Variants in POLQ observed in about 807,000 individuals in gnomAD.
POLQ encodes the protein epididymis secretory sperm binding protein.
A neutral mutation model predicts 259.2 loss-of-function variants in POLQ; 233 were observed. The observed-to-expected ratio is 0.90, with a 90% CI of 0.81 to 1.00. The LOEUF (loss-of-function observed/expected upper bound fraction) is 1.00, where lower values mean the gene tolerates loss of function less well. POLQ is among the 50% of genes least tolerant of loss of function. The probability of loss-of-function intolerance (pLI) is 0.00; values close to 1 mark genes in which losing one functional copy is unlikely to be tolerated. For missense variants in POLQ, 2,871 were observed against 3,051.6 expected (o/e 0.94, Z 1.39); for synonymous variants, 1,025 against 1,048.8 (o/e 0.98, Z 0.44).
chr3:121,510,912 C>T (rs535576956), intron 10 of POLQ, among the ~76,000 whole-genome samples: 3 of 151,858 alleles, frequency 2.0e-5, no homozygotes, highest in East Asian at 1.9e-4. Context: ...AGTGAAACTC[C>T]GTCTCTACTG....
intron 19 of POLQ, among the ~76,000 whole-genome samples, chr3:121,478,576 TA>T (rs143898506): frequency 0.075 from 5,814 of 77,374 alleles, 191 homozygotes; most frequent in African/African-American, 0.14. Context: ...GGCAAATTTG[TA>T]AAAAAAAAAA....
intron 22 of POLQ, among the ~76,000 whole-genome samples, chr3:121,469,061 C>T (rs1463987073): frequency 6.6e-6 from 1 of 151,938 alleles, no homozygotes; most frequent in Non-Finnish European, 1.5e-5. Flanking sequence ...ATGGCGGGTG[C>T]CTGCAATCCT....
rs1418848636 is a variant in POLQ at position 121,510,090 on chromosome 3, G to A, written c.1765C>T (p.Leu589=). 1.3e-5 allele frequency: 21 copies of A among 1,614,032 alleles called. No individual in the cohort carries two copies. The highest frequency in any genetic ancestry group is 1.7e-5 in the Non-Finnish European group (20 of 1,179,910). Reference sequence around the variant, plus strand: ...CTCTGGATGAATTCATTTTCTAGTAGCCACATCACACAGGCCTCAATCGCT... The same window carrying A: ...CTCTGGATGAATTCATTTTCTAGTAACCACATCACACAGGCCTCAATCGCT... ...LGAIEACVMW[L]LENEFIQSTE... is the part of the protein sequence containing the mutation. Residue 589 remains leucine, a synonymous_variant, in exon 11 of 30, where the codon CTA becomes TTA. Transcript: ENST00000264233.
At chr3:121,520,523 G>A (rs914830549) in intron 8 of POLQ, among the ~76,000 whole-genome samples, 3 of 152,098 alleles carry the variant, frequency 2.0e-5, no homozygotes, top group Non-Finnish European at 4.4e-5. Flanking sequence ...GCAACAGAGC[G>A]AGAAAACAAC....
In POLQ at chr3:121,489,809, G is replaced by C; in HGVS notation, c.3122C>G (p.Ser1041Cys). 1 of 1,612,840 alleles carries C rather than the reference G, an allele frequency of 6.2e-7. No individual in the cohort carries two copies. The highest frequency in any genetic ancestry group is 8.5e-7 in the Non-Finnish European group (1 of 1,179,826). ...NSEKMSRSFRSWKRRKHLKRS... is the reference protein window; with the variant it reads ...NSEKMSRSFRCWKRRKHLKRS... ...CTTTAGATGCTTTCTACGTTTCCAAGATCGAAAACTTCTGCTCATCTTTTC... is the reference window on the plus strand; with the variant it reads ...CTTTAGATGCTTTCTACGTTTCCAACATCGAAAACTTCTGCTCATCTTTTC... Residue 1041 changes from serine (S) to cysteine (C), a missense_variant, in exon 16 of 30, where the codon TCT becomes TGT. By Grantham distance (112) the Ser-to-Cys change is moderately radical. Coordinates refer to ENST00000264233, the MANE Select transcript of POLQ (RefSeq NM_199420.4).
intron 19 of POLQ, among the ~76,000 whole-genome samples, chr3:121,480,189 T>C (rs2047959812): frequency 6.6e-6 from 1 of 151,750 alleles, no homozygotes; most frequent in Non-Finnish European, 1.5e-5. Context: ...TATATATATA[T>C]AGCTTACCAA....
chr3:121,521,973 T>C (rs1389649324), intron 8 of POLQ, 30 bp downstream of exon 8: 1 of 1,473,312 alleles, frequency 6.8e-7, no homozygotes, highest in Non-Finnish European at 9.1e-7. Flanking sequence ...ATTTTGGAGG[T>C]TTCTTAATAA....
chr3:121,543,343 A>C (rs2048504026), intron 2 of POLQ, among the ~76,000 whole-genome samples: 1 of 152,186 alleles, frequency 6.6e-6, no homozygotes, highest in Admixed American at 6.5e-5. Context: ...TATGTGCCAA[A>C]AACTGTTCTG....
intron 24 of POLQ, among the ~76,000 whole-genome samples, chr3:121,465,054 T>C (rs1389106613): frequency 6.6e-6 from 1 of 152,012 alleles, no homozygotes; most frequent in Non-Finnish European, 1.5e-5. Context: ...TTTCTGGTAC[T>C]CAATTCAGTT....
chr3:121,457,802 TCAA>T (rs1246836068), intron 25 of POLQ, among the ~76,000 whole-genome samples: 73 of 152,248 alleles, frequency 4.8e-4, no homozygotes, highest in Admixed American at 1.0e-3. Context: ...GTAAACTAGT[TCAA>T]CCATTGTGGA....
intron 20 of POLQ, 51 bp downstream of exon 20, chr3:121,476,489 C>A (rs755401179): frequency 7.7e-7 from 1 of 1,302,368 alleles, no homozygotes; most frequent in Admixed American, 1.9e-5. Flanking sequence ...CACACACAAT[C>A]ATTTTAACTC....
intron 16 of POLQ, 46 bp from the exon 17 acceptor site, chr3:121,485,230 G>A: frequency 7.7e-7 from 1 of 1,299,482 alleles, no homozygotes; most frequent in Non-Finnish European, 1.1e-6. Flanking sequence ...TAAAAATAAA[G>A]ACATTACATA....
chr3:121,494,359 C>A, intron 14 of POLQ: 1 of 1,596,770 alleles, frequency 6.3e-7, no homozygotes. Flanking sequence ...ACCAGTTCAC[C>A]CAGGCCCTGG....
At position 121,436,217 on chromosome 3, in the gene POLQ, A is replaced by G; in HGVS notation, c.7448T>C (p.Ile2483Thr). The G allele has an allele frequency of 6.2e-7, 1 of 1,613,790 alleles. No individual in the cohort carries two copies. The highest frequency in any genetic ancestry group is 8.5e-7 in the Non-Finnish European group (1 of 1,179,706). ...TTGCTTCTGAATGTTAACTGTGGCT[A>G]TTTTGACAATATCAGCTGCTGATCC... ...VQGSAADIVK[I>T]ATVNIQKQLE... The change falls in exon 28 of 30, where the codon ATA becomes ACA. Residue 2483 changes from isoleucine to threonine, a missense_variant. Transcript: ENST00000264233.
At chr3:121,443,586 G>GT (rs1382351773) in intron 26 of POLQ, among the ~76,000 whole-genome samples, 1 of 151,888 alleles carries the variant, frequency 6.6e-6, no homozygotes, top group Non-Finnish European at 1.5e-5. Flanking sequence ...TTGCTGTGCA[G>GT]TTTTTTTTAA....
At chr3:121,528,137 T>G (rs1476895455) in intron 7 of POLQ, among the ~76,000 whole-genome samples, 3 of 152,148 alleles carry the variant, frequency 2.0e-5, no homozygotes, top group Non-Finnish European at 4.4e-5. Flanking sequence ...TATTTATTTA[T>G]TCGAGAGAGG....
intron 28 of POLQ, among the ~76,000 whole-genome samples, chr3:121,434,218 C>T (rs530353479): frequency 2.0e-5 from 3 of 152,348 alleles, no homozygotes; most frequent in Admixed American, 2.0e-4. Flanking sequence ...CTTCCTCATG[C>T]TCACCTTCCT....
chr3:121,545,522 A>C (rs886179400), intron 1 of POLQ, among the ~76,000 whole-genome samples, 193 bp downstream of exon 1: 7 of 152,334 alleles, frequency 4.6e-5, no homozygotes, highest in Admixed American at 2.6e-4. Flanking sequence ...CATTAATACC[A>C]GGCGATCACT....
rs555037052 is a variant in POLQ at position 121,472,393 on chromosome 3, T to A, written c.6544-229A>T. ...CAGTATCAATTTAAAACTACCTTTT[T>A]CAAAAAAATAAATGAATTGTCAGTT... On this transcript the variant is annotated intron_variant, in intron 21 of 29. Transcript: ENST00000264233. Among the ~76,000 whole-genome samples the A allele has an allele frequency of 3.3e-5, 5 of 152,276 alleles. No homozygotes were observed. In the East Asian group the frequency reaches 9.6e-4, roughly 29 times the overall value.
Sources: gnomAD v4.1 joint callset for allele counts (sites outside exome capture counted in the v4.1 genomes callset) on GRCh38, gnomAD v4.1.1 for gene constraint, MANE v1.5 for transcripts, NCBI Gene and HGNC (gene_info 2026-07-23, HGNC 2026-07-21) for gene names.